The following CD274 variants were observed in gnomAD, a reference collection of about 807,000 sequenced individuals.
The protein encoded by CD274 is CD274 molecule.
Under a neutral mutation model 30.1 loss-of-function variants are expected in CD274, and 8 were observed. The observed-to-expected ratio is 0.27, with a 90% CI of 0.16 to 0.48. The LOEUF is 0.48. Ranked by LOEUF, CD274 falls within the 20% of genes least tolerant of loss-of-function variation. The pLI is 0.99. For missense variants in CD274, 353 were observed against 346.6 expected, an observed-to-expected ratio of 1.02 and a Z score of -0.15; for synonymous variants, 152 against 124.6, an observed-to-expected ratio of 1.22 and a Z score of -1.46.
intron 1 of CD274, among the ~76,000 whole-genome samples, chr9:5,454,994 G>C (rs1393078165): frequency 6.6e-6 from 1 of 152,010 alleles, no homozygotes; most frequent in South Asian, 2.1e-4. Flanking sequence ...TGTGTAGTTT[G>C]TATAGTTGTC....
chr9:5,462,494 AG>A (rs1416060899), intron 3 of CD274, among the ~76,000 whole-genome samples: 1 of 152,218 alleles, frequency 6.6e-6, no homozygotes, highest in African/African-American at 2.4e-5. Flanking sequence ...TAGAAATTTA[AG>A]GGGTACAAGA....
At chr9:5,455,891 G>T (rs981347577) in intron 1 of CD274, among the ~76,000 whole-genome samples, 1 of 148,742 alleles carries the variant, frequency 6.7e-6, no homozygotes, top group African/African-American at 2.6e-5. Context: ...TCATCTTTTA[G>T]TAACTTTTTT....
intron 1 of CD274, 68 bp from the exon 2 acceptor site, chr9:5,456,032 C>G (rs1819295475): frequency 2.2e-6 from 2 of 894,272 alleles, no homozygotes; most frequent in African/African-American, 1.7e-5. Context: ...CCACCAAGTC[C>G]CATATTGTCA....
At chr9:5,467,465 G>A (rs1395623804) in intron 6 of CD274, among the ~76,000 whole-genome samples, 1 of 152,074 alleles carries the variant, frequency 6.6e-6, no homozygotes, top group Non-Finnish European at 1.5e-5. Context: ...GTTATATTAA[G>A]GTTTCTAATT....
At chr9:5,458,515 C>T (rs915542623) in intron 3 of CD274, among the ~76,000 whole-genome samples, 2 of 152,192 alleles carry the variant, frequency 1.3e-5, no homozygotes, top group African/African-American at 4.8e-5. Flanking sequence ...TCCCCTTGGT[C>T]TTTCCATTCC....
intron 2 of CD274, 38 bp from the exon 3 acceptor site, chr9:5,457,040 AT>A: frequency 7.0e-7 from 1 of 1,434,792 alleles, no homozygotes; most frequent in South Asian, 1.2e-5. Context: ...GTTTCGAGGA[AT>A]TTTCCCTTTT....
intron 3 of CD274, among the ~76,000 whole-genome samples, chr9:5,459,835 T>A (rs1006506952): frequency 6.6e-6 from 1 of 152,152 alleles, no homozygotes; most frequent in African/African-American, 2.4e-5. Flanking sequence ...TGCATAGTTG[T>A]CCCGATAAAG....
At chr9:5,453,530 T>C (rs1819245102) in intron 1 of CD274, among the ~76,000 whole-genome samples, 1 of 152,172 alleles carries the variant, frequency 6.6e-6, no homozygotes, top group African/African-American at 2.4e-5. Flanking sequence ...ATACTTATGA[T>C]ATTTTAAAAA....
intron 6 of CD274, 146 bp downstream of exon 6, chr9:5,466,975 C>G (rs1229354752): frequency 1.5e-5 from 9 of 605,208 alleles, no homozygotes; most frequent in Non-Finnish European, 2.3e-5. Context: ...ACAAGAACTC[C>G]TCCACCGTCT....
intron 3 of CD274, among the ~76,000 whole-genome samples, chr9:5,460,821 G>C (rs1819390794): frequency 6.6e-6 from 1 of 152,062 alleles, no homozygotes; most frequent in Non-Finnish European, 1.5e-5. Context: ...AAAACATTTT[G>C]AACTCGTGTG....
intron 2 of CD274, 59 bp from the exon 3 acceptor site, chr9:5,457,020 T>G (rs2131210523): frequency 8.1e-7 from 1 of 1,228,094 alleles, no homozygotes; most frequent in East Asian, 2.3e-5. Flanking sequence ...GCTGTGCCAA[T>G]TTTGTAAATG....
At chr9:5,453,119 T>A (rs1008566317) in intron 1 of CD274, among the ~76,000 whole-genome samples, 8 of 152,082 alleles carry the variant, frequency 5.3e-5, no homozygotes, top group African/African-American at 1.9e-4. Context: ...AAATGTGACC[T>A]CACAGGCCTG....
chr9:5,450,934 C>G (rs941196018), intron 1 of CD274, among the ~76,000 whole-genome samples: 4 of 152,202 alleles, frequency 2.6e-5, no homozygotes, highest in Non-Finnish European at 5.9e-5. Context: ...GAGGTCTGGA[C>G]ACGGGTCCAA....
intron 1 of CD274, among the ~76,000 whole-genome samples, chr9:5,454,641 A>G (rs72705422): frequency 2.2e-4 from 31 of 140,238 alleles, no homozygotes; most frequent in Middle Eastern, 4.1e-3. Context: ...ATATATATAT[A>G]TGTGTGTGTG....
In CD274 at chr9:5,468,209, G is replaced by A. The variant is rs931737273; in HGVS notation, c.*347G>A. 6.0e-6 allele frequency: 2 copies of A among 335,348 alleles called. No homozygotes were observed. The highest frequency in any genetic ancestry group is 9.2e-5 in the East Asian group (2 of 21,854). 20.8% of individuals were successfully genotyped at this position (335,348 alleles called of 1,614,324 possible). ...CGGGTTGAGAATCCCTAATTTGAGG[G>A]TCAGTTCCTGCAGAAGTGCCCTTTG... On this transcript the variant is annotated 3_prime_UTR_variant, in exon 7 of 7. Transcript: ENST00000381577.
chr9:5,462,831 T>C lies in CD274; in HGVS notation c.395-3T>C. On this transcript the variant is annotated splice_region_variant and splice_polypyrimidine_tract_variant and intron_variant, in intron 3 of 6. Coordinates refer to ENST00000381577, the MANE Select transcript of CD274 (RefSeq NM_014143.4). ...CCCTGACTTCTTTTTGTTTATGTCC[T>C]AGCCCCATACAACAAAATCAACCAA... 6.2e-7 allele frequency: 1 copy of C among 1,612,630 alleles called. No homozygotes were observed. Among genetic ancestry groups the C allele is most frequent in the Non-Finnish European group, 8.5e-7 (1 of 1,178,862 alleles).
chr9:5,450,781 T>G (rs1245593216), intron 1 of CD274, among the ~76,000 whole-genome samples, 185 bp downstream of exon 1: 1 of 152,260 alleles, frequency 6.6e-6, no homozygotes, highest in Non-Finnish European at 1.5e-5. Context: ...GAACAGGCAA[T>G]GCATCTGGCC....
intron 4 of CD274, 94 bp downstream of exon 4, chr9:5,463,215 G>C: frequency 4.4e-6 from 4 of 919,280 alleles, no homozygotes; most frequent in Non-Finnish European, 6.9e-6. Flanking sequence ...AGTGATTGTT[G>C]AATAAATGAA....
intron 5 of CD274, 30 bp from the exon 6 acceptor site, chr9:5,466,740 T>C: frequency 6.4e-7 from 1 of 1,562,566 alleles, no homozygotes; most frequent in Non-Finnish European, 8.8e-7. Context: ...CTGTGCTATA[T>C]GGAAATAAAA....
Sources: gnomAD v4.1 joint callset for allele counts (sites outside exome capture counted in the v4.1 genomes callset) on GRCh38, gnomAD v4.1.1 for gene constraint, MANE v1.5 for transcripts, NCBI Gene and HGNC (gene_info 2026-07-23, HGNC 2026-07-21) for gene names.